LYST: variants seen among roughly 807,000 people sequenced by gnomAD.
LYST encodes lysosomal trafficking regulator, also known as lysosomal-trafficking regulator.
LYST carries 192 observed loss-of-function variants against 413.6 expected under a neutral mutation model. The ratio of observed to expected loss-of-function variants is 0.46; its 90% CI spans 0.41 to 0.52. The LOEUF (loss-of-function observed/expected upper bound fraction) is 0.52, where lower values mean the gene tolerates loss of function less well. Among genes scored for constraint, LYST ranks in the 20% least tolerant of loss-of-function variants. The pLI is 0.00. For missense variants in LYST, 3,815 were observed against 4,499.9 expected (o/e 0.85, Z 4.35); for synonymous variants, 1,525 against 1,567.3 (o/e 0.97, Z 0.64).
intron 14 of LYST, among the ~76,000 whole-genome samples, chr1:235,786,666 T>C (rs894594896): frequency 7.4e-4 from 113 of 152,028 alleles, no homozygotes; most frequent in Middle Eastern, 3.4e-3. Context: ...CCATCAATGA[T>C]AGACTGGATT....
intron 3 of LYST, chr1:235,828,008 G>T: frequency 2.5e-6 from 1 of 405,362 alleles, no homozygotes; most frequent in Non-Finnish European, 3.3e-6. Context: ...TGGCCAATAA[G>T]CAAATGAAAA....
At chr1:235,835,568 A>G (rs998232860) in intron 1 of LYST, among the ~76,000 whole-genome samples, 13 of 152,204 alleles carry the variant, frequency 8.5e-5, no homozygotes, top group African/African-American at 3.1e-4. Context: ...CCTCACTTGA[A>G]TATCTATGCA....
At chr1:235,723,230 T>C (rs1473565451) in intron 39 of LYST, among the ~76,000 whole-genome samples, 1 of 152,184 alleles carries the variant, frequency 6.6e-6, no homozygotes, top group Non-Finnish European at 1.5e-5. Context: ...TTGTACAGGT[T>C]ACGTTTGAGA....
chr1:235,819,562 G>A (rs1190050623), intron 3 of LYST, among the ~76,000 whole-genome samples: 2 of 152,166 alleles, frequency 1.3e-5, no homozygotes, highest in Non-Finnish European at 2.9e-5. Context: ...GACAATATAT[G>A]CCATGAACAG....
At chr1:235,853,970 G>C (rs921423115) in intron 1 of LYST, among the ~76,000 whole-genome samples, 5 of 152,132 alleles carry the variant, frequency 3.3e-5, no homozygotes, top group African/African-American at 1.2e-4. Flanking sequence ...TAGCTATAGA[G>C]AGAGAGACGG....
intron 47 of LYST, among the ~76,000 whole-genome samples, chr1:235,692,846 C>A (rs1001133728): frequency 2.4e-4 from 36 of 151,650 alleles, no homozygotes; most frequent in Non-Finnish European, 4.7e-4. Context: ...CATGGAGAAA[C>A]CCTATCTCCA....
chr1:235,730,867 T>A lies in LYST; in HGVS notation c.9024A>T (p.Lys3008Asn), dbSNP rs747791415. ...HSSFSSTVKD[K>N]AASESIRVNR... ...GTTACCTTATAGATTCACTTGCAGC[T>A]TTGTCTTTGACAGTAGAAGAGAAAG... is the stretch of plus-strand genomic sequence containing the variant. The change falls in exon 36 of 53, where the codon AAA (lysine) becomes AAT (asparagine). Residue 3008 changes from lysine to asparagine, a missense_variant. Lys to Asn is a moderately conservative substitution (Grantham distance 94, BLOSUM62 0). Around this residue, in one of 4 missense-constraint regions of LYST, gnomAD observed 866 missense variants for 1,156.0 expected, o/e 0.75. Coordinates refer to ENST00000389793, the MANE Select transcript of LYST (RefSeq NM_000081.4). 2 of 1,611,620 alleles carry A rather than the reference T, an allele frequency of 1.2e-6. No individual in the cohort carries two copies. The highest frequency in any genetic ancestry group is 1.7e-6 in the Non-Finnish European group (2 of 1,177,784).
chr1:235,682,598 T>C (rs1045240005), intron 48 of LYST, among the ~76,000 whole-genome samples: 2 of 152,174 alleles, frequency 1.3e-5, no homozygotes, highest in Non-Finnish European at 2.9e-5. Flanking sequence ...CTCACATCTG[T>C]TTTATGCTTA....
Position 235,772,417 on chromosome 1 carries a change from T to C in LYST, c.5784+1425A>G, listed in dbSNP as rs561158648. 9.0e-4 allele frequency among the ~76,000 whole-genome samples: 137 copies of C among 152,240 alleles called. 1 individual carries two copies. The highest frequency in any genetic ancestry group is 3.0e-3 in the African/African-American group (123 of 41,544). ...AATTAGTTCTAGACAATCTAGTTTT[T>C]TTTTTGCAAAAATCATCAGTACCTA... On this transcript the variant is annotated intron_variant, in intron 19 of 52. Coordinates refer to ENST00000389793, the MANE Select transcript of LYST (RefSeq NM_000081.4).
At chr1:235,677,253 A>C in intron 49 of LYST, 65 bp from the exon 50 acceptor site, 1 of 1,319,652 alleles carries the variant, frequency 7.6e-7, no homozygotes, top group South Asian at 1.2e-5. Context: ...CTTATTTTGT[A>C]ATTCTTCTTC....
At chr1:235,693,038 A>G (rs375140620) in intron 47 of LYST, among the ~76,000 whole-genome samples, 3 of 149,008 alleles carry the variant, frequency 2.0e-5, no homozygotes, top group South Asian at 2.1e-4. Context: ...AAAGTTGGCC[A>G]GGTGTGGTGG....
intron 47 of LYST, among the ~76,000 whole-genome samples, chr1:235,688,741 T>C (rs1660399443): frequency 6.6e-6 from 1 of 151,994 alleles, no homozygotes; most frequent in African/African-American, 2.4e-5. Context: ...ACCCAGCACT[T>C]TGGGAGGCCG....
intron 37 of LYST, among the ~76,000 whole-genome samples, chr1:235,728,717 C>T (rs935634632): frequency 6.6e-6 from 1 of 152,216 alleles, no homozygotes; most frequent in South Asian, 2.1e-4. Flanking sequence ...ATGCTCATCA[C>T]CCTCGAGTAG....
rs1286645924 is a variant in LYST, at chr1:235,809,964, A to G, written c.854T>C (p.Val285Ala). Residue 285 changes from valine (V) to alanine (A), a missense_variant, in exon 5 of 53, where the codon GTA becomes GCA. Physicochemically the swap from Val to Ala is moderately conservative, Grantham distance 64. Around this residue, in one of 4 missense-constraint regions of LYST, gnomAD observed 1,648 missense variants for 1,810.3 expected, o/e 0.91. Transcript: ENST00000389793. The surrounding 1 kb of genome is among the most constrained non-coding windows in gnomAD (Gnocchi z 4.0). ...LNHNSPLAAS[V>A]VPTLTEFLAG... Reference sequence around the variant, plus strand: ...TAGGAATTCAGTTAGTGTGGGCACTACACTGGCTGCTAAAGGAGAATTATG... The same window carrying G: ...TAGGAATTCAGTTAGTGTGGGCACTGCACTGGCTGCTAAAGGAGAATTATG... 1 of 1,613,920 alleles carries G rather than the reference A, an allele frequency of 6.2e-7. No homozygotes were observed. Among genetic ancestry groups the G allele is most frequent in the Non-Finnish European group, 8.5e-7 (1 of 1,179,938 alleles).
intron 31 of LYST, chr1:235,737,936 G>T: frequency 8.0e-7 from 1 of 1,243,262 alleles, no homozygotes; most frequent in Non-Finnish European, 1.0e-6. Flanking sequence ...TCACTGCCGC[G>T]TGCCCCAACA....
rs368985090 is a variant in LYST at position 235,663,115 on chromosome 1, T to G, written c.11268-37A>C. 6 of 1,430,662 alleles carry G rather than the reference T, an allele frequency of 4.2e-6. No homozygotes were observed. The African/African-American group carries it at 7.0e-5, about 17-fold the overall frequency. The allele number at this position is 1,430,662 out of a possible 1,614,324, so 88.6% of individuals were successfully genotyped here. ...AAAAAATTCCCATTTGTACATTATATTTCTTAAAAGTGTATTAGCATATTG... is the reference window on the plus strand; with the variant it reads ...AAAAAATTCCCATTTGTACATTATAGTTCTTAAAAGTGTATTAGCATATTG... On this transcript the variant is annotated intron_variant, in intron 52 of 52. Transcript: ENST00000389793.
At chr1:235,849,094 T>C (rs1173851433) in intron 1 of LYST, among the ~76,000 whole-genome samples, 1 of 152,132 alleles carries the variant, frequency 6.6e-6, no homozygotes, top group African/African-American at 2.4e-5. Flanking sequence ...ATATCCTTGA[T>C]GAACACAGAT....
At chr1:235,685,936 A>G (rs1273599835) in intron 48 of LYST, among the ~76,000 whole-genome samples, 1 of 152,186 alleles carries the variant, frequency 6.6e-6, no homozygotes, top group East Asian at 1.9e-4. Context: ...TCACTCAGTA[A>G]AACAGATTTA....
At chr1:235,677,417 T>C (rs1399921194) in intron 49 of LYST, 63 bp downstream of exon 49, 2 of 1,541,056 alleles carry the variant, frequency 1.3e-6, no homozygotes, top group African/African-American at 2.7e-5. Flanking sequence ...GTTTATCTAT[T>C]TCATATAGTA....
Sources: allele counts gnomAD v4.1 joint callset (sites outside exome capture counted in the v4.1 genomes callset), GRCh38; gene constraint gnomAD v4.1.1; regional missense constraint gnomAD v4.1.1; non-coding constraint Gnocchi (gnomAD v3.1); transcripts MANE v1.5; gene names NCBI Gene and HGNC (gene_info 2026-07-23, HGNC 2026-07-21).